Variants in APP observed in about 807,000 individuals in gnomAD.
APP encodes amyloid beta precursor protein, also known as amyloid-beta precursor protein.
Under a neutral mutation model 101.4 loss-of-function variants are expected in APP, and 31 were observed. That is an observed-to-expected ratio of 0.31 (90% confidence interval 0.23 to 0.41). APP has a LOEUF of 0.41. Ranked by LOEUF, APP falls within the 10% of genes least tolerant of loss-of-function variation. APP has a pLI of 1.00. For synonymous variants in APP, 366 were observed against 364.4 expected (o/e 1.00, Z -0.05); for missense variants, 839 against 1,003.7 (o/e 0.84, Z 2.22).
At chr21:26,128,273 G>T (rs1057060942) in intron 1 of APP, among the ~76,000 whole-genome samples, 1 of 152,124 alleles carries the variant, frequency 6.6e-6, no homozygotes, top group Non-Finnish European at 1.5e-5. Flanking sequence ...TTTAACTCAT[G>T]CAGTTTAATG....
chr21:25,905,299 C>T (rs2038731615), intron 14 of APP, among the ~76,000 whole-genome samples: 1 of 152,176 alleles, frequency 6.6e-6, no homozygotes, highest in Non-Finnish European at 1.5e-5. Context: ...CAGTCCTGCT[C>T]CTTAGTTTTC....
chr21:25,897,425 T>G, intron 16 of APP, 148 bp downstream of exon 16: 1 of 753,224 alleles, frequency 1.3e-6, no homozygotes, highest in Non-Finnish European at 2.3e-6. Context: ...AGCCTATTTA[T>G]TTTCTTCATG....
intron 2 of APP, among the ~76,000 whole-genome samples, chr21:26,100,992 G>T (rs2062042228): frequency 6.6e-6 from 1 of 151,230 alleles, no homozygotes; most frequent in Admixed American, 6.6e-5. Context: ...ACACCTTCAA[G>T]AAGCCCCTAG....
chr21:25,968,324 T>G (rs1481919600), intron 11 of APP, among the ~76,000 whole-genome samples: 1 of 144,264 alleles, frequency 6.9e-6, no homozygotes, highest in African/African-American at 2.5e-5. Context: ...AAAAAAATCT[T>G]TTTTTTTTTT....
chr21:26,149,701 A>C (rs455465), intron 1 of APP, among the ~76,000 whole-genome samples: 29,968 of 152,196 alleles, frequency 0.2, 3,340 homozygotes, highest in East Asian at 0.35. Flanking sequence ...TTTGGAGTAC[A>C]GAATGTCTTT....
At chr21:26,166,927 GGT>G (rs10600074) in intron 1 of APP, among the ~76,000 whole-genome samples, 53,931 of 148,358 alleles carry the variant, frequency 0.36, 10,481 homozygotes, top group African/African-American at 0.55. Context: ...AGAGACAGAG[GGT>G]GTGTGTGTGT....
intron 13 of APP, among the ~76,000 whole-genome samples, chr21:25,941,067 A>G (rs1303433174): frequency 6.6e-6 from 1 of 152,358 alleles, no homozygotes; most frequent in South Asian, 2.1e-4. Context: ...ACAAATGCAC[A>G]TGAGATTTGA....
chr21:26,117,823 AATT>A (rs1378762569), intron 1 of APP, among the ~76,000 whole-genome samples: 1 of 152,216 alleles, frequency 6.6e-6, no homozygotes, highest in East Asian at 1.9e-4. Context: ...TTTGCTACAC[AATT>A]ATTTCAGAGC....
intron 5 of APP, among the ~76,000 whole-genome samples, chr21:26,025,212 C>T (rs768617826): frequency 6.6e-6 from 1 of 152,154 alleles, no homozygotes; most frequent in African/African-American, 2.4e-5. Context: ...TGAGCTTCTG[C>T]CTTTGCATTT....
chr21:25,958,358 C>G (rs531066098), intron 11 of APP, among the ~76,000 whole-genome samples: 1 of 152,280 alleles, frequency 6.6e-6, no homozygotes, highest in East Asian at 1.9e-4. Flanking sequence ...CTCACTGCAA[C>G]CTCCGCCTCC....
At chr21:26,035,296 T>C (rs1255977383) in intron 5 of APP, among the ~76,000 whole-genome samples, 1 of 152,072 alleles carries the variant, frequency 6.6e-6, no homozygotes, top group Non-Finnish European at 1.5e-5. Flanking sequence ...GGGAATTCAT[T>C]CTGGAAAGAT....
chr21:26,117,951 C>A (rs1421898440), intron 1 of APP, among the ~76,000 whole-genome samples: 1 of 152,168 alleles, frequency 6.6e-6, no homozygotes, highest in African/African-American at 2.4e-5. Flanking sequence ...CTTTTTGGGT[C>A]ACTGTTGATC....
chr21:25,897,678 A>AT lies in APP; in HGVS notation c.1964-6dup. The AT allele has an allele frequency of 6.2e-7, 1 of 1,603,406 alleles. No individual in the cohort carries two copies. The highest frequency in any genetic ancestry group is 8.5e-7 in the Non-Finnish European group (1 of 1,170,292). On this transcript the variant is annotated splice_region_variant and splice_polypyrimidine_tract_variant and intron_variant, in intron 15 of 17. Transcript: ENST00000346798. Reference sequence around the variant, plus strand: ...TGATATTTGTCAACCCAGAACCTGTATTACATCATAATTAAAGTATGCAGG... The same window carrying AT: ...TGATATTTGTCAACCCAGAACCTGTATTTACATCATAATTAAAGTATGCAGG...
intron 1 of APP, among the ~76,000 whole-genome samples, chr21:26,139,325 G>A (rs1312127249): frequency 1.3e-5 from 2 of 152,052 alleles, no homozygotes; most frequent in East Asian, 3.9e-4. Flanking sequence ...TCAAATAATT[G>A]TGCAAAAAAA....
In APP at chr21:26,117,441, G is replaced by A. The variant is rs536961022; in HGVS notation, c.58-5295C>T. Among the ~76,000 whole-genome samples the A allele has an allele frequency of 1.0e-3, 159 of 152,264 alleles. 1 individual carries two copies. Among genetic ancestry groups the A allele is most frequent in the African/African-American group, 3.6e-3 (151 of 41,554 alleles). On this transcript the variant is annotated intron_variant, in intron 1 of 17. Coordinates refer to ENST00000346798, the MANE Select transcript of APP (RefSeq NM_000484.4). ...CCAAAAAAGTATTTCCAGTGTAAGCGGAACATCTGCAGTTGCTCATTTCAT... is the reference window on the plus strand; with the variant it reads ...CCAAAAAAGTATTTCCAGTGTAAGCAGAACATCTGCAGTTGCTCATTTCAT...
chr21:26,101,170 G>T (rs973667321), intron 2 of APP, among the ~76,000 whole-genome samples: 2 of 140,422 alleles, frequency 1.4e-5, no homozygotes, highest in African/African-American at 5.2e-5. Context: ...CGTGATCTCG[G>T]CCCACTGCAA....
chr21:25,986,578 T>C (rs1052759316), intron 8 of APP, among the ~76,000 whole-genome samples: 6 of 151,424 alleles, frequency 4.0e-5, no homozygotes, highest in African/African-American at 1.2e-4. Context: ...CGCATGCCTG[T>C]AATCCCAGCT....
At chr21:25,973,943 T>TAAAAAAAAAA (rs369334912) in intron 11 of APP, among the ~76,000 whole-genome samples, 6 of 111,098 alleles carry the variant, frequency 5.4e-5, no homozygotes, top group East Asian at 5.4e-4. Context: ...CCATCTCATT[T>TAAAAAAAAAA]AAAAAAAAAA....
intron 1 of APP, chr21:26,140,061 G>T (rs1214396193): frequency 1.0e-6 from 1 of 1,002,444 alleles, no homozygotes; most frequent in Non-Finnish European, 1.5e-6. Flanking sequence ...AAGTAACATT[G>T]TACTTTTGAA....
Sources: gnomAD v4.1 joint callset for allele counts (sites outside exome capture counted in the v4.1 genomes callset) on GRCh38, gnomAD v4.1.1 for gene constraint, MANE v1.5 for transcripts, NCBI Gene and HGNC (gene_info 2026-07-23, HGNC 2026-07-21) for gene names.